The following RDH16 variants were observed in gnomAD, a reference collection of about 807,000 sequenced individuals.
The protein encoded by RDH16 is human epidermal retinol dehydrogenase.
In RDH16, 25 loss-of-function variants were observed where a neutral mutation model predicts 22.3. The ratio of observed to expected loss-of-function variants is 1.12; its 90% CI spans 0.82 to 1.56. The LOEUF (loss-of-function observed/expected upper bound fraction) is 1.56, where lower values mean the gene tolerates loss of function less well. Ranked by LOEUF, RDH16 falls within the 40% of genes most tolerant of loss-of-function variation. The pLI, the probability that RDH16 is intolerant of heterozygous loss-of-function variation, is 0.00. For synonymous variants in RDH16, 154 were observed against 164.4 expected (o/e 0.94, Z 0.48); for missense variants, 413 against 394.9 (o/e 1.05, Z -0.39).
At chr12:56,955,277 T>C (rs1013564425) in intron 1 of RDH16, 113 bp from the exon 2 acceptor site, 32 of 1,307,452 alleles carry the variant, frequency 2.4e-5, no homozygotes, top group African/African-American at 1.0e-4. Flanking sequence ...AGGTGTGGGA[T>C]GGGGAGGAGG....
At chr12:56,952,327 TC>T in intron 3 of RDH16, 81 bp from the exon 4 acceptor site, 2 of 1,335,738 alleles carry the variant, frequency 1.5e-6, no homozygotes, top group Non-Finnish European at 2.1e-6. Context: ...GTGGAAAGGG[TC>T]TAAGAACTCA....
intron 3 of RDH16, 39 bp from the exon 4 acceptor site, chr12:56,952,285 T>C: frequency 6.3e-7 from 1 of 1,576,570 alleles, no homozygotes; most frequent in Non-Finnish European, 8.7e-7. Context: ...TATTTCCACC[T>C]CTAACCGCTC....
Position 56,957,544 on chromosome 12 carries a change from C to G in RDH16, c.-82G>C. 6.8e-7 allele frequency: 1 copy of G among 1,471,650 alleles called. No individual in the cohort carries two copies. The highest frequency in any genetic ancestry group is 9.2e-7 in the Non-Finnish European group (1 of 1,086,118). The allele number at this position is 1,471,650 out of a possible 1,614,324, so 91.2% of individuals were successfully genotyped here. On this transcript the variant is annotated 5_prime_UTR_variant, in exon 1 of 4. Coordinates refer to ENST00000398138, the MANE Select transcript of RDH16 (RefSeq NM_003708.5). ...GTTCAGACAGGAGGATTTAAGAACA[C>G]AGAGGGCTGTGGTAGGCAGGGAAGC...
intron 2 of RDH16, 99 bp from the exon 3 acceptor site, chr12:56,953,089 A>G: frequency 9.5e-7 from 1 of 1,050,882 alleles, no homozygotes; most frequent in South Asian, 1.7e-5. Context: ...ATATGAGGAC[A>G]ATGGGTAAAA....
In RDH16 at chr12:56,955,153, G is replaced by A. The variant is rs766241981; in HGVS notation, c.325C>T (p.Leu109=). 4.3e-6 allele frequency: 7 copies of A among 1,613,930 alleles called. No individual in the cohort carries two copies. The Admixed American group carries it at 6.7e-5, about 15-fold the overall frequency. Reference sequence around the variant, plus strand: ...AAGGAGATGCCAGCATTATTCACCAGGCCCCAGAGTCCTGGGACAGTGGGA... The same window carrying A: ...AAGGAGATGCCAGCATTATTCACCAAGCCCCAGAGTCCTGGGACAGTGGGA... The part of the protein sequence containing the change: ...ECVRDKGLWG[L]VNNAGISLPT... Residue 109 remains leucine, a synonymous_variant, in exon 2 of 4, where the codon CTG becomes TTG. Transcript: ENST00000398138.
At position 56,952,101 on chromosome 12, in the gene RDH16, C is replaced by T. The variant is rs1202206280; in HGVS notation, c.882G>A (p.Met294Ile). The change falls in exon 4 of 4, where the codon ATG becomes ATA. Residue 294 changes from methionine (M) to isoleucine (I), a missense_variant. Transcript: ENST00000398138. ...CCACCAGGAAGGTGGGCATGTAGCT[C>T]ATGGGGAGGTAGAGAAGCTTGGCAT... ...GWDAKLLYLP[M>I]SYMPTFLVDA... 3.1e-6 allele frequency: 5 copies of T among 1,614,048 alleles called. No individual in the cohort carries two copies. The Admixed American group carries it at 8.3e-5, about 27-fold the overall frequency.
chr12:56,957,039 G>T, intron 1 of RDH16, 111 bp downstream of exon 1: 1 of 1,100,386 alleles, frequency 9.1e-7, no homozygotes, highest in Non-Finnish European at 1.3e-6. Flanking sequence ...GAAAGCTACT[G>T]TTACTTCAAC....
At position 56,952,031 on chromosome 12, in the gene RDH16, A is replaced by C; in HGVS notation, c.952T>G (p.Ter318GlyextTer2). The C allele has an allele frequency of 6.2e-7, 1 of 1,613,816 alleles. No individual in the cohort carries two copies. The highest frequency in any genetic ancestry group is 1.6e-4 in the Middle Eastern group (1 of 6,062). The change falls in exon 4 of 4, where the codon TGA becomes GGA. Residue 318 changes from the stop codon to glycine, a stop_lost. Transcript: ENST00000398138. ...CAACCATGCATCCAACCTTAGCTTC[A>C]TAGAGCCTTGGCCGGGCTTGGAGAG... ...WVSPSPAKAL[*>G]
intron 1 of RDH16, among the ~76,000 whole-genome samples, chr12:56,956,839 C>A (rs1184843559): frequency 2.6e-5 from 4 of 152,144 alleles, no homozygotes; most frequent in Non-Finnish European, 5.9e-5. Context: ...CTCCAGATCT[C>A]TAACCCAGGC....
chr12:56,953,185 T>A (rs1308696975), intron 2 of RDH16, among the ~76,000 whole-genome samples, 195 bp from the exon 3 acceptor site: 3 of 152,300 alleles, frequency 2.0e-5, no homozygotes, highest in East Asian at 3.9e-4. Context: ...TTTCCATATT[T>A]TACACACCTG....
At position 56,957,449 on chromosome 12, in the gene RDH16, AG is replaced by A; in HGVS notation, c.13del (p.Leu5TrpfsTer20). The A allele has an allele frequency of 6.2e-7, 1 of 1,611,326 alleles. No homozygotes were observed. Among genetic ancestry groups the A allele is most frequent in the Non-Finnish European group, 8.5e-7 (1 of 1,177,992 alleles). Reference protein sequence around the residue: MWLYLAVFVGLYYLL... With the variant: MWLYXAVFVGLYYLL... ...GTAGTACAGGCCCACGAAAACCGCCAGGTAGAGCCACATGGCTTTGCAGAGG... is the reference window on the plus strand; with the variant it reads ...GTAGTACAGGCCCACGAAAACCGCCAGTAGAGCCACATGGCTTTGCAGAGG... On this transcript the variant is annotated frameshift_variant, in exon 1 of 4. Transcript: ENST00000398138. LOFTEE classifies it high-confidence loss of function.
At position 56,952,926 on chromosome 12, in the gene RDH16, C is replaced by T. The variant is rs140658779; in HGVS notation, c.637G>A (p.Val213Met). 2 of 1,614,090 alleles carry T rather than the reference C, an allele frequency of 1.2e-6. No homozygotes were observed. Among genetic ancestry groups the T allele is most frequent in the East Asian group, 2.2e-5 (1 of 44,888 alleles). Residue 213 changes from valine to methionine, a missense_variant, in exon 3 of 4, where the codon GTG (valine) becomes ATG (methionine). Coordinates refer to ENST00000398138, the MANE Select transcript of RDH16 (RefSeq NM_003708.5). ...TTTAAGAATCTCTCCTTACTGGTCA[C>T]AGCAGTCTTGAAATAGCCAGGTTCA... is the stretch of plus-strand genomic sequence containing the variant. Reference protein sequence around the residue: ...MIEPGYFKTAVTSKERFLKSF... With the variant: ...MIEPGYFKTAMTSKERFLKSF...
intron 1 of RDH16, 136 bp from the exon 2 acceptor site, chr12:56,955,300 C>A: frequency 9.5e-7 from 1 of 1,052,064 alleles, no homozygotes; most frequent in Non-Finnish European, 1.4e-6. Context: ...ATAACAAACA[C>A]CACAGTATCA....
rs747773253 is a variant in RDH16 at position 56,952,979 on chromosome 12, G to A, written c.584C>T (p.Ser195Phe). The change falls in exon 3 of 4, where the codon TCC becomes TTC. Residue 195 changes from serine to phenylalanine, a missense_variant. Transcript: ENST00000398138. ...AFSDSLRREL[S>F]YFGVKVAMIE... Reference sequence around the variant, plus strand: ...CATAGCCACCTTCACCCCAAAGTAGGAGAGTTCCCTCCTGCAAGACAGAGA... The same window carrying A: ...CATAGCCACCTTCACCCCAAAGTAGAAGAGTTCCCTCCTGCAAGACAGAGA... 6.2e-7 allele frequency: 1 copy of A among 1,612,360 alleles called. No individual in the cohort carries two copies. Among genetic ancestry groups the A allele is most frequent in the Non-Finnish European group, 8.5e-7 (1 of 1,179,200 alleles).
At chr12:56,954,381 C>T (rs1221767687) in intron 2 of RDH16, among the ~76,000 whole-genome samples, 1 of 152,214 alleles carries the variant, frequency 6.6e-6, no homozygotes, top group Non-Finnish European at 1.5e-5. Flanking sequence ...AGGGGACCAA[C>T]ACACACTGCT....
At chr12:56,956,278 A>G (rs1955928397) in intron 1 of RDH16, among the ~76,000 whole-genome samples, 1 of 152,214 alleles carries the variant, frequency 6.6e-6, no homozygotes, top group Admixed American at 6.5e-5. Context: ...CTCAGTATGG[A>G]TTACATAGGT....
chr12:56,951,985 A>G lies in RDH16; in HGVS notation c.*44T>C, dbSNP rs1022941166. On this transcript the variant is annotated 3_prime_UTR_variant, in exon 4 of 4. Transcript: ENST00000398138. ...CTCTCCCAAGGATACACCACCCCTC[A>G]TAGCACACCCCAAATCCATGCAACC... The G allele has an allele frequency of 1.8e-5, 28 of 1,575,002 alleles. No homozygotes were observed. The Middle Eastern group carries it at 6.9e-4, about 39-fold the overall frequency.
chr12:56,957,304 G>A lies in RDH16; in HGVS notation c.159C>T (p.Gly53=), dbSNP rs758497226. The A allele has an allele frequency of 5.6e-6, 9 of 1,614,226 alleles. No homozygotes were observed. The Admixed American group carries it at 1.5e-4, about 27-fold the overall frequency. ...KLLARQLDAR[G]LRVLAACLTE... ...TCAGACATGCAGCCAGCACCCGCAA[G>A]CCTCGTGCATCCAGCTGTCTGGCCA... The change falls in exon 1 of 4, where the codon GGC becomes GGT. Residue 53 remains glycine (G), a synonymous_variant. Transcript: ENST00000398138.
Position 56,957,141 on chromosome 12 carries a change from G to A in RDH16, c.313+9C>T. 1 of 1,598,540 alleles carries A rather than the reference G, an allele frequency of 6.3e-7. No individual in the cohort carries two copies. Among genetic ancestry groups the A allele is most frequent in the Admixed American group, 1.7e-5 (1 of 59,534 alleles). On this transcript the variant is annotated intron_variant, in intron 1 of 3. Transcript: ENST00000398138. ...GACACAGACAGACTTGACAAACCTG[G>A]GTGGTTACCTTTGTCTCTCACGCAC...
Sources: gnomAD v4.1 joint callset for allele counts (sites outside exome capture counted in the v4.1 genomes callset) on GRCh38, gnomAD v4.1.1 for gene constraint, MANE v1.5 for transcripts, NCBI Gene and HGNC (gene_info 2026-07-23, HGNC 2026-07-21) for gene names.